The following FRRS1 variants were observed in gnomAD, a reference collection of about 807,000 sequenced individuals.
FRRS1 encodes ferric chelate reductase 1, also known as ferric reductase 1.
A neutral mutation model predicts 70.7 loss-of-function variants in FRRS1; 51 were observed. That is an observed-to-expected ratio of 0.72 (90% confidence interval 0.58 to 0.91). The LOEUF is 0.91. FRRS1 is among the 40% of genes least tolerant of loss of function. The pLI, the probability that FRRS1 is intolerant of heterozygous loss-of-function variation, is 0.00. For missense variants in FRRS1, 672 were observed against 726.0 expected (o/e 0.93, Z 0.86); for synonymous variants, 225 against 238.7 (o/e 0.94, Z 0.53).
intron 9 of FRRS1, among the ~76,000 whole-genome samples, chr1:99,722,022 A>T (rs1571107347): frequency 6.7e-6 from 1 of 149,094 alleles, no homozygotes; most frequent in African/African-American, 2.5e-5. Flanking sequence ...TATTATTATT[A>T]TTTTTGAGAC....
intron 1 of FRRS1, among the ~76,000 whole-genome samples, chr1:99,757,481 A>C (rs188186757): frequency 1.1e-3 from 167 of 152,302 alleles, no homozygotes; most frequent in Non-Finnish European, 1.8e-3. Context: ...CCTTATTCTC[A>C]CTTCATTCCA....
intron 9 of FRRS1, among the ~76,000 whole-genome samples, chr1:99,722,712 T>G (rs1654897983): frequency 6.6e-6 from 1 of 152,122 alleles, no homozygotes; most frequent in Admixed American, 6.5e-5. Context: ...ATAAAGGATA[T>G]CCACAAGAAA....
chr1:99,720,596 T>C (rs778009737), intron 9 of FRRS1, among the ~76,000 whole-genome samples: 8 of 152,134 alleles, frequency 5.3e-5, no homozygotes, highest in Admixed American at 3.3e-4. Flanking sequence ...GGTTATATTA[T>C]CTGCCCAAAA....
rs745630104 is a variant in FRRS1 at position 99,708,926 on chromosome 1, G to A, written c.*102C>T. On this transcript the variant is annotated 3_prime_UTR_variant, in exon 17 of 17. Coordinates refer to ENST00000646001, the MANE Select transcript of FRRS1 (RefSeq NM_001361041.2). ...CAGACATGACCCCAGTCTTCCAAGT[G>A]AGAATTCACAAATATGCTCCAGGCA... 1.2e-6 allele frequency: 2 copies of A among 1,613,736 alleles called. No individual in the cohort carries two copies. The highest frequency in any genetic ancestry group is 3.3e-5 in the Admixed American group (2 of 59,988).
rs776862413 is a variant in FRRS1, at chr1:99,709,193, C to T, written c.1686+5G>A. On this transcript the variant is annotated splice_donor_5th_base_variant and intron_variant, in intron 16 of 16. Coordinates refer to ENST00000646001, the MANE Select transcript of FRRS1 (RefSeq NM_001361041.2). ...TTTGTGTCAATGAACAAGAAAAGGA[C>T]TTACCTCTGTTTCCACTGCAGTAAA... The T allele has an allele frequency of 1.2e-5, 20 of 1,609,094 alleles. 1 individual carries two copies. In the South Asian group the frequency reaches 2.0e-4, roughly 16 times the overall value.
intron 1 of FRRS1, chr1:99,765,737 T>G (rs1301359656): frequency 6.6e-6 from 1 of 151,412 alleles, no homozygotes; most frequent in African/African-American, 2.4e-5. Context: ...CCGTCTCTAC[T>G]AAAAATACAA....
At chr1:99,728,093 G>A (rs1248756242) in intron 9 of FRRS1, among the ~76,000 whole-genome samples, 1 of 152,152 alleles carries the variant, frequency 6.6e-6, no homozygotes, top group Non-Finnish European at 1.5e-5. Flanking sequence ...GATTCATATT[G>A]GGCAAGTTTC....
chr1:99,750,866 AAAT>A (rs1215771310), intron 1 of FRRS1, among the ~76,000 whole-genome samples: 1 of 152,192 alleles, frequency 6.6e-6, no homozygotes, highest in African/African-American at 2.4e-5. Flanking sequence ...ATAAATAAAT[AAAT>A]AATAAATAAA....
chr1:99,712,467 C>T lies in FRRS1; in HGVS notation c.1372G>A (p.Val458Ile). Residue 458 changes from valine (V) to isoleucine (I), a missense_variant, in exon 13 of 17, where the codon GTT becomes ATT. Transcript: ENST00000646001. ...AAGACTGCCAGAAGAGGCTGAAGAA[C>T]TGCCAAAGTCATCACTATACAGCCG... is the stretch of plus-strand genomic sequence containing the variant. ...YLGCIVMTLA[V>I]LQPLLAVFRP... is the part of the protein sequence containing the mutation. The T allele has an allele frequency of 6.2e-7, 1 of 1,613,500 alleles. No individual in the cohort carries two copies. The highest frequency in any genetic ancestry group is 8.5e-7 in the Non-Finnish European group (1 of 1,179,674).
At chr1:99,732,050 T>C (rs1382528569) in intron 7 of FRRS1, among the ~76,000 whole-genome samples, 1 of 152,202 alleles carries the variant, frequency 6.6e-6, no homozygotes, top group Non-Finnish European at 1.5e-5. Flanking sequence ...CAAAAAATTT[T>C]AATACAAATA....
chr1:99,723,168 A>G (rs1654918164), intron 9 of FRRS1, among the ~76,000 whole-genome samples: 1 of 152,182 alleles, frequency 6.6e-6, no homozygotes, highest in Non-Finnish European at 1.5e-5. Context: ...AATAAATGGA[A>G]TATCCCAATG....
At chr1:99,720,271 T>G (rs994745347) in intron 9 of FRRS1, among the ~76,000 whole-genome samples, 1 of 152,218 alleles carries the variant, frequency 6.6e-6, no homozygotes, top group Non-Finnish European at 1.5e-5. Context: ...ATGTATAGAA[T>G]TATTCCAAAT....
In FRRS1 at chr1:99,715,593, C is replaced by T. The variant is rs750849376; in HGVS notation, c.1316G>A (p.Trp439Ter). The change falls in exon 12 of 17, where the codon TGG (tryptophan) becomes TAG (stop). Residue 439 changes from tryptophan to a stop codon, truncating the protein, a stop_gained. Transcript: ENST00000646001. LOFTEE classifies it high-confidence loss of function. ...FVMPFIYRGG[W>*]SRHAGYHPYL... is the part of the protein sequence containing the mutation. ...TATTTAAGATATACTTACCCTACTC[C>T]AGCCTCCCCTGTATATAAACGGCAT... 1.2e-6 allele frequency: 2 copies of T among 1,604,630 alleles called. No homozygotes were observed. Among genetic ancestry groups the T allele is most frequent in the Admixed American group, 3.3e-5 (2 of 59,972 alleles).
intron 1 of FRRS1, among the ~76,000 whole-genome samples, chr1:99,758,341 T>C (rs542356561): frequency 3.9e-4 from 60 of 152,314 alleles, no homozygotes; most frequent in African/African-American, 1.4e-3. Flanking sequence ...GAAAATGAAA[T>C]TGAAATTCCA....
intron 7 of FRRS1, among the ~76,000 whole-genome samples, chr1:99,736,808 G>A (rs1170007703): frequency 2.1e-5 from 2 of 96,754 alleles, no homozygotes; most frequent in South Asian, 3.3e-4. Context: ...AAATAAAAAA[G>A]AATAAAAAAA....
At chr1:99,739,145 A>C (rs1293014274) in intron 6 of FRRS1, among the ~76,000 whole-genome samples, 1 of 152,176 alleles carries the variant, frequency 6.6e-6, no homozygotes, top group Non-Finnish European at 1.5e-5. Context: ...TTGCCAAAGG[A>C]CTTGTTCTCT....
chr1:99,753,287 A>C (rs1026282615), intron 1 of FRRS1, among the ~76,000 whole-genome samples: 2 of 145,372 alleles, frequency 1.4e-5, no homozygotes, highest in Non-Finnish European at 3.0e-5. Context: ...TTGGGAGGGA[A>C]GGGCAGGAAG....
chr1:99,743,505 G>C (rs1298067737), intron 4 of FRRS1, among the ~76,000 whole-genome samples: 1 of 151,822 alleles, frequency 6.6e-6, no homozygotes, highest in African/African-American at 2.4e-5. Flanking sequence ...AAAATATATA[G>C]GTATTAGTCT....
chr1:99,761,093 A>G (rs1479459194), intron 1 of FRRS1, among the ~76,000 whole-genome samples: 4 of 151,658 alleles, frequency 2.6e-5, no homozygotes, highest in Non-Finnish European at 4.4e-5. Context: ...CAGCACCATC[A>G]GCAAGTAATC....
Sources: gnomAD v4.1 joint callset for allele counts (sites outside exome capture counted in the v4.1 genomes callset) on GRCh38, gnomAD v4.1.1 for gene constraint, MANE v1.5 for transcripts, NCBI Gene and HGNC (gene_info 2026-07-23, HGNC 2026-07-21) for gene names.